Variants in ARHGAP32 observed in about 807,000 individuals in gnomAD.
The protein encoded by ARHGAP32 is Rho GTPase activating protein 32.
Under a neutral mutation model 186.5 loss-of-function variants are expected in ARHGAP32, and 51 were observed. That is an observed-to-expected ratio of 0.27 (90% CI 0.22 to 0.35). The LOEUF is 0.35. Ranked by LOEUF, ARHGAP32 falls within the 10% of genes least tolerant of loss-of-function variation. ARHGAP32 has a pLI of 1.00. For synonymous variants in ARHGAP32, 950 were observed against 964.3 expected (o/e 0.99, Z 0.27); for missense variants, 2,186 against 2,623.5 (o/e 0.83, Z 3.64).
Position 128,974,544 on chromosome 11 carries a change from T to C in ARHGAP32, c.2653A>G (p.Ser885Gly). ...KLSPFFTLDL[S>G]PTEDKSSKPS... ...TTAGATGATTTATCTTCAGTTGGGCTCAAGTCCAGGGTAAAGAATGGACTC... is the reference window on the plus strand; with the variant it reads ...TTAGATGATTTATCTTCAGTTGGGCCCAAGTCCAGGGTAAAGAATGGACTC... Residue 885 changes from serine to glycine, a missense_variant, in exon 21 of 23, where the codon AGC (serine) becomes GGC (glycine). By Grantham distance (56) the Ser-to-Gly change is moderately conservative. This residue lies in a region of ARHGAP32 where 1,502 missense variants were observed against 1,570.0 expected (regional missense o/e 0.96). Coordinates refer to ENST00000682385, the MANE Select transcript of ARHGAP32 (RefSeq NM_001378024.1). The C allele has an allele frequency of 6.2e-7, 1 of 1,614,200 alleles. No individual in the cohort carries two copies. Among genetic ancestry groups the C allele is most frequent in the Middle Eastern group, 1.6e-4 (1 of 6,062 alleles).
At chr11:129,060,807 AT>A (rs35668874) in intron 10 of ARHGAP32, among the ~76,000 whole-genome samples, 50,594 of 147,082 alleles carry the variant, frequency 0.34, 8,763 homozygotes, top group Non-Finnish European at 0.39. Flanking sequence ...ACACTTATTG[AT>A]TAAAAAAAAA....
chr11:129,083,961 C>T (rs1027579981), intron 6 of ARHGAP32, among the ~76,000 whole-genome samples: 3 of 152,006 alleles, frequency 2.0e-5, no homozygotes, highest in Non-Finnish European at 4.4e-5. Flanking sequence ...AAATTACTAA[C>T]ATTACATATG....
chr11:129,152,796 A>G (rs1042079575), intron 2 of ARHGAP32, among the ~76,000 whole-genome samples: 3 of 152,178 alleles, frequency 2.0e-5, no homozygotes, highest in African/African-American at 7.2e-5. Context: ...AATAGGGACA[A>G]GCTGAAAGCA....
chr11:128,986,442 A>C (rs1591502759), intron 14 of ARHGAP32, 82 bp downstream of exon 14: 1 of 1,481,672 alleles, frequency 6.7e-7, no homozygotes, highest in Non-Finnish European at 9.3e-7. Context: ...CTTACATGTG[A>C]CCAAACCAAA....
chr11:129,021,906 A>G (rs1283379980), intron 11 of ARHGAP32, among the ~76,000 whole-genome samples: 2 of 152,068 alleles, frequency 1.3e-5, no homozygotes, highest in Non-Finnish European at 2.9e-5. Flanking sequence ...GCAGGAGGAA[A>G]AAACATGAAG....
At chr11:129,192,029 G>A in intron 1 of ARHGAP32, 54 bp downstream of exon 1, 3 of 1,268,714 alleles carry the variant, frequency 2.4e-6, no homozygotes, top group Non-Finnish European at 2.3e-6. Flanking sequence ...AAAAAGGGGT[G>A]CGGGTGGGGG....
At chr11:129,092,601 C>A (rs1335074170) in intron 6 of ARHGAP32, among the ~76,000 whole-genome samples, 1 of 151,954 alleles carries the variant, frequency 6.6e-6, no homozygotes, top group African/African-American at 2.4e-5. Context: ...ATTTGGCCAT[C>A]TTACTTATTT....
chr11:128,983,331 G>A (rs1458260483), intron 15 of ARHGAP32, among the ~76,000 whole-genome samples: 3 of 152,154 alleles, frequency 2.0e-5, no homozygotes, highest in Non-Finnish European at 4.4e-5. Flanking sequence ...ACAAACCGAA[G>A]TGAGGCTGGC....
chr11:129,196,872 C>T (rs1944398586), upstream of ARHGAP32, among the ~76,000 whole-genome samples: 3 of 152,084 alleles, frequency 2.0e-5, no homozygotes, highest in Non-Finnish European at 1.5e-5. Flanking sequence ...GCCTGTCCAA[C>T]ACGGTGAAAA....
intron 6 of ARHGAP32, among the ~76,000 whole-genome samples, chr11:129,085,583 T>G (rs886295196): frequency 6.6e-6 from 1 of 152,166 alleles, no homozygotes; most frequent in African/African-American, 2.4e-5. Context: ...TCCCAGCAAG[T>G]TATTTTGTTG....
rs575605502 is a variant in ARHGAP32, at chr11:129,183,214, A to G, written c.116+8869T>C. 5.9e-5 allele frequency among the ~76,000 whole-genome samples: 9 copies of G among 152,156 alleles called. No homozygotes were observed. The East Asian group carries it at 7.7e-4, about 13-fold the overall frequency. ...TACTTCTCTTCATGTCCCACAACCA[A>G]TGGGTTTTAATTACTGAGACTAAGA... On this transcript the variant is annotated intron_variant, in intron 1 of 22. Coordinates refer to ENST00000682385, the MANE Select transcript of ARHGAP32 (RefSeq NM_001378024.1).
intron 1 of ARHGAP32, among the ~76,000 whole-genome samples, chr11:129,278,693 C>G (rs1040178555): frequency 6.6e-6 from 1 of 151,936 alleles, no homozygotes; most frequent in African/African-American, 2.4e-5. Flanking sequence ...CCTCTGGCCC[C>G]GCGGGGCCCA....
chr11:129,108,358 A>G (rs986381418), intron 5 of ARHGAP32, among the ~76,000 whole-genome samples: 5 of 152,200 alleles, frequency 3.3e-5, no homozygotes, highest in African/African-American at 1.2e-4. Context: ...CTATACTAGT[A>G]TCAGACAAAA....
chr11:129,020,125 T>C (rs1938532470), intron 11 of ARHGAP32, among the ~76,000 whole-genome samples: 1 of 152,006 alleles, frequency 6.6e-6, no homozygotes, highest in African/African-American at 2.4e-5. Flanking sequence ...AACATACCTT[T>C]AGTTTAGGGA....
intron 11 of ARHGAP32, among the ~76,000 whole-genome samples, chr11:129,018,520 T>A (rs954808960): frequency 1.3e-5 from 2 of 152,210 alleles, no homozygotes; most frequent in African/African-American, 4.8e-5. Context: ...ACTAAACTTA[T>A]CTTTAGCAAG....
rs1942579700 is a variant in ARHGAP32, at chr11:129,123,355, A to G, written c.444+91T>C. 26 of 1,058,664 alleles carry G rather than the reference A, an allele frequency of 2.5e-5. No individual in the cohort carries two copies. The South Asian group carries it at 4.0e-4, about 16-fold the overall frequency. The allele number at this position is 1,058,664 out of a possible 1,614,324, so 65.6% of individuals were successfully genotyped here. On this transcript the variant is annotated intron_variant, in intron 5 of 22. Coordinates refer to ENST00000682385, the MANE Select transcript of ARHGAP32 (RefSeq NM_001378024.1). The surrounding 1 kb of genome is among the most constrained non-coding windows in gnomAD (Gnocchi z 4.6). ...AAAAAAAAAACTACTTCAAAGTGTC[A>G]TCTATTAGATACAGATATATAGATA...
chr11:128,968,820 T>A lies in ARHGAP32; in HGVS notation c.*87A>T. ...AAATGTGGTCAGGGGTTTTATAGTA[T>A]TTTTTGTTTAATCTTTTTGGTTATT... is the stretch of plus-strand genomic sequence containing the variant. On this transcript the variant is annotated 3_prime_UTR_variant, in exon 23 of 23. Transcript: ENST00000682385. 9.1e-7 allele frequency: 1 copy of A among 1,100,070 alleles called. No homozygotes were observed. The highest frequency in any genetic ancestry group is 1.2e-6 in the Non-Finnish European group (1 of 837,186). 68.1% of individuals were successfully genotyped at this position (1,100,070 alleles called of 1,614,324 possible). A position where few individuals can be genotyped will look rare whatever the true frequency, so the allele number is the denominator to read the frequency against.
At chr11:129,002,426 T>C (rs963413435) in intron 11 of ARHGAP32, among the ~76,000 whole-genome samples, 2 of 152,224 alleles carry the variant, frequency 1.3e-5, no homozygotes, top group African/African-American at 4.8e-5. Context: ...GCTACTGATT[T>C]TTTCATGTTA....
chr11:129,060,336 C>CATAGATAGATAGATAGATAG (rs60434028), intron 10 of ARHGAP32, among the ~76,000 whole-genome samples: 6 of 148,554 alleles, frequency 4.0e-5, no homozygotes, highest in East Asian at 4.0e-4. Flanking sequence ...AGGTGTTACA[C>CATAGATAGATAGATAGATAG]ATAGATAGAT....
Sources: gnomAD v4.1 joint callset for allele counts (sites outside exome capture counted in the v4.1 genomes callset) on GRCh38, gnomAD v4.1.1 for gene constraint, gnomAD v4.1.1 regional missense constraint, Gnocchi (gnomAD v3.1) non-coding constraint, MANE v1.5 for transcripts, NCBI Gene and HGNC (gene_info 2026-07-23, HGNC 2026-07-21) for gene names.